The following HTRA3 variants were observed in gnomAD, a reference collection of about 807,000 sequenced individuals.
HTRA3 encodes the protein serine protease HTRA3.
A neutral mutation model predicts 43.2 loss-of-function variants in HTRA3; 41 were observed. That is an observed-to-expected ratio of 0.95 (90% CI 0.74 to 1.23). The LOEUF is 1.23. Ranked by LOEUF, HTRA3 falls within the 50% of genes most tolerant of loss-of-function variation. The pLI, the probability that HTRA3 is intolerant of heterozygous loss-of-function variation, is 0.00. For missense variants in HTRA3, 628 were observed against 647.1 expected (o/e 0.97, Z 0.32); for synonymous variants, 295 against 287.9 (o/e 1.02, Z -0.25).
intron 2 of HTRA3, among the ~76,000 whole-genome samples, chr4:8,284,867 C>A (rs1712894540): frequency 6.6e-6 from 1 of 152,208 alleles, no homozygotes; most frequent in Non-Finnish European, 1.5e-5. Flanking sequence ...ACAGTAGTTT[C>A]TTGTGGCTGC....
chr4:8,270,181 C>T lies in HTRA3; in HGVS notation c.213C>T (p.Gly71=). The change falls in exon 1 of 9, where the codon GGC becomes GGT. Residue 71 remains glycine (G), a synonymous_variant. Transcript: ENST00000307358. ...GCGGCCCTCTGGACTCGCCTTGCGG[C>T]GAGAGCCTGGAGTGCGTGCGCGGCC... The part of the protein sequence containing the change: ...PCGGPLDSPC[G]ESLECVRGLC... 6.5e-7 allele frequency: 1 copy of T among 1,535,578 alleles called. No homozygotes were observed. The highest frequency in any genetic ancestry group is 8.7e-7 in the Non-Finnish European group (1 of 1,154,394).
Position 8,295,732 on chromosome 4 carries a change from C to T in HTRA3, c.1051+1531C>T. On this transcript the variant is annotated intron_variant, in intron 6 of 8. Coordinates refer to ENST00000307358, the MANE Select transcript of HTRA3 (RefSeq NM_053044.5). This position sits in a 1 kb window ranked among gnomAD's most constrained non-coding sequence, Gnocchi z 6.9. ...CAGTTCATTGAGAGCAGGGGGCTTC[C>T]TCACGTTTCCCCCTCCTCCATGACC... is the stretch of plus-strand genomic sequence containing the variant. The T allele has an allele frequency of 1.5e-6, 2 of 1,357,326 alleles. No individual in the cohort carries two copies. Among genetic ancestry groups the T allele is most frequent in the East Asian group, 3.0e-5 (1 of 33,874 alleles). 84.1% of individuals were successfully genotyped at this position (1,357,326 alleles called of 1,614,324 possible). A position where few individuals can be genotyped will look rare whatever the true frequency, so the allele number is the denominator to read the frequency against.
intron 7 of HTRA3, among the ~76,000 whole-genome samples, chr4:8,303,928 C>T (rs1469006422): frequency 6.6e-6 from 1 of 152,204 alleles, no homozygotes; most frequent in Non-Finnish European, 1.5e-5. Context: ...ATCCATCCAT[C>T]CTCCCGCCCC....
rs994518767 is a variant in HTRA3, at chr4:8,306,730, C to G, written c.*594C>G. The G allele has an allele frequency of 6.6e-6, 1 of 152,584 alleles. No individual in the cohort carries two copies. The highest frequency in any genetic ancestry group is 1.5e-5 in the Non-Finnish European group (1 of 68,184). The allele number at this position is 152,584 out of a possible 1,614,324, so 9.5% of individuals were successfully genotyped here. A position where few individuals can be genotyped will look rare whatever the true frequency, so the allele number is the denominator to read the frequency against. ...ATGCCCCCTGGCTGCGGAGCTGAGC[C>G]CCGCCCTGCCATGAGGTTTTCCTCC... On this transcript the variant is annotated 3_prime_UTR_variant, in exon 9 of 9. Coordinates refer to ENST00000307358, the MANE Select transcript of HTRA3 (RefSeq NM_053044.5). The surrounding 1 kb of genome is among the most constrained non-coding windows in gnomAD (Gnocchi z 8.9).
chr4:8,294,420 G>A (rs778106601), intron 6 of HTRA3, among the ~76,000 whole-genome samples: 3 of 151,740 alleles, frequency 2.0e-5, no homozygotes, highest in African/African-American at 7.3e-5. Context: ...TCATCGATTC[G>A]TGATCGGCTT....
At position 8,282,480 on chromosome 4, in the gene HTRA3, T is replaced by TG; in HGVS notation, c.430dup (p.Ala144GlyfsTer2). 1 of 1,614,126 alleles carries TG rather than the reference T, an allele frequency of 6.2e-7. No homozygotes were observed. Among genetic ancestry groups the TG allele is most frequent in the Non-Finnish European group, 8.5e-7 (1 of 1,180,012 alleles). On this transcript the variant is annotated frameshift_variant, in exon 2 of 9. Transcript: ENST00000307358. LOFTEE classifies it high-confidence loss of function. ...GCCCGCGCTACAAGTTCAACTTCATTGCTGACGTGGTGGAGAAGATCGCAC... is the reference window on the plus strand; with the variant it reads ...GCCCGCGCTACAAGTTCAACTTCATTGGCTGACGTGGTGGAGAAGATCGCAC...
At chr4:8,282,695 G>T (rs1712803454) in intron 2 of HTRA3, among the ~76,000 whole-genome samples, 159 bp downstream of exon 2, 1 of 152,238 alleles carries the variant, frequency 6.6e-6, no homozygotes. Flanking sequence ...GGCTGCCTGT[G>T]TGCCCCTGGG....
intron 4 of HTRA3, 57 bp from the exon 5 acceptor site, chr4:8,292,264 C>G: frequency 6.5e-7 from 1 of 1,533,996 alleles, no homozygotes; most frequent in Non-Finnish European, 9.0e-7. Flanking sequence ...GGAGAAGGGG[C>G]TCCAGGAAGC....
rs1291523719 is a variant in HTRA3, at chr4:8,279,600, G to A, written c.386-2837G>A. Among the ~76,000 whole-genome samples the A allele has an allele frequency of 6.6e-6, 1 of 152,158 alleles. No individual in the cohort carries two copies. Among genetic ancestry groups the A allele is most frequent in the East Asian group, 1.9e-4 (1 of 5,194 alleles). On this transcript the variant is annotated intron_variant, in intron 1 of 8. Coordinates refer to ENST00000307358, the MANE Select transcript of HTRA3 (RefSeq NM_053044.5). This position sits in a 1 kb window ranked among gnomAD's most constrained non-coding sequence, Gnocchi z 7.4. ...TCCGGCCCTGGGTGTTGGAGTGTCT[G>A]AGTCCAGGATGGAGACACACAGGAA... is the stretch of plus-strand genomic sequence containing the variant.
At chr4:8,271,600 G>A (rs1409462925) in intron 1 of HTRA3, among the ~76,000 whole-genome samples, 1 of 152,246 alleles carries the variant, frequency 6.6e-6, no homozygotes, top group East Asian at 1.9e-4. Flanking sequence ...GGACAGAGAT[G>A]TATTTCTCGC....
At chr4:8,288,068 ATTTGTGATGAAATCT>A (rs1423012000) in intron 3 of HTRA3, among the ~76,000 whole-genome samples, 1 of 152,132 alleles carries the variant, frequency 6.6e-6, no homozygotes, top group Admixed American at 6.5e-5. Context: ...CGTTTACAGC[ATTTGTGATGAAATCT>A]TTTGCAAGGG....
At chr4:8,271,874 G>A (rs140648453) in intron 1 of HTRA3, among the ~76,000 whole-genome samples, 32 of 152,322 alleles carry the variant, frequency 2.1e-4, no homozygotes, top group African/African-American at 6.7e-4. Flanking sequence ...GAGGGAACAT[G>A]TTCAAACCAT....
At chr4:8,271,198 C>T (rs1313953232) in intron 1 of HTRA3, among the ~76,000 whole-genome samples, 1 of 149,346 alleles carries the variant, frequency 6.7e-6, no homozygotes, top group Non-Finnish European at 1.5e-5. Context: ...ACTGCCGGGG[C>T]TCCTGGGAAG....
intron 1 of HTRA3, among the ~76,000 whole-genome samples, chr4:8,282,014 G>T (rs1439067738): frequency 1.3e-5 from 2 of 152,200 alleles, no homozygotes; most frequent in African/African-American, 4.8e-5. Context: ...GAGCCCATGA[G>T]GAGAGGGCCA....
intron 6 of HTRA3, among the ~76,000 whole-genome samples, chr4:8,301,152 TTTA>T (rs1041929855): frequency 6.1e-5 from 3 of 49,218 alleles, no homozygotes; most frequent in African/African-American, 2.5e-4. Flanking sequence ...ATTCACACTC[TTTA>T]TTGACTCACA....
intron 3 of HTRA3, among the ~76,000 whole-genome samples, chr4:8,289,698 T>C (rs1467726986): frequency 1.3e-5 from 2 of 152,170 alleles, no homozygotes; most frequent in Admixed American, 1.3e-4. Context: ...AGGCATTAAA[T>C]CGAGCCATGG....
chr4:8,289,477 G>A (rs1451100388), intron 3 of HTRA3, among the ~76,000 whole-genome samples: 3 of 152,340 alleles, frequency 2.0e-5, no homozygotes, highest in East Asian at 3.9e-4. Flanking sequence ...AGAGGAGAGC[G>A]AGACTAGGGG....
chr4:8,295,726 G>T lies in HTRA3; in HGVS notation c.1051+1525G>T. ...CACTGGCAGTTCATTGAGAGCAGGGGGCTTCCTCACGTTTCCCCCTCCTCC... is the reference window on the plus strand; with the variant it reads ...CACTGGCAGTTCATTGAGAGCAGGGTGCTTCCTCACGTTTCCCCCTCCTCC... On this transcript the variant is annotated intron_variant, in intron 6 of 8. Transcript: ENST00000307358. This position sits in a 1 kb window ranked among gnomAD's most constrained non-coding sequence, Gnocchi z 6.9. 7.3e-7 allele frequency: 1 copy of T among 1,373,836 alleles called. No individual in the cohort carries two copies. Among genetic ancestry groups the T allele is most frequent in the Non-Finnish European group, 9.4e-7 (1 of 1,060,502 alleles). The allele number at this position is 1,373,836 out of a possible 1,614,324, so 85.1% of individuals were successfully genotyped here.
At chr4:8,285,017 T>G (rs1465867468) in intron 2 of HTRA3, among the ~76,000 whole-genome samples, 1 of 151,896 alleles carries the variant, frequency 6.6e-6, no homozygotes, top group Non-Finnish European at 1.5e-5. Context: ...GTTGGGGGAG[T>G]GTCCCAGGCC....
Sources: gnomAD v4.1 joint callset for allele counts (sites outside exome capture counted in the v4.1 genomes callset) on GRCh38, gnomAD v4.1.1 for gene constraint, Gnocchi (gnomAD v3.1) non-coding constraint, MANE v1.5 for transcripts, NCBI Gene and HGNC (gene_info 2026-07-23, HGNC 2026-07-21) for gene names.